EYS: variants seen among roughly 807,000 people sequenced by gnomAD.
EYS encodes EGF-like photoreceptor maintenance factor.
A neutral mutation model predicts 282.1 loss-of-function variants in EYS; 250 were observed. The ratio of observed to expected loss-of-function variants is 0.89; its 90% CI spans 0.80 to 0.98. The LOEUF (loss-of-function observed/expected upper bound fraction) is 0.98. Among genes scored for constraint, EYS ranks in the 50% least tolerant of loss-of-function variants. The pLI, the probability that EYS is intolerant of heterozygous loss-of-function variation, is 0.00. For synonymous variants in EYS, 1,355 were observed against 1,282.9 expected, an observed-to-expected ratio of 1.06 and a Z score of -1.20; for missense variants, 4,016 against 3,709.0, an observed-to-expected ratio of 1.08 and a Z score of -2.15.
chr6:64,994,111 T>C (rs1771168869), intron 14 of EYS, among the ~76,000 whole-genome samples: 1 of 152,118 alleles, frequency 6.6e-6, no homozygotes, highest in East Asian at 1.9e-4. Context: ...ATAGTTATTC[T>C]CAAATATACA....
intron 21 of EYS, among the ~76,000 whole-genome samples, chr6:64,816,465 T>C (rs1404894172): frequency 1.3e-5 from 2 of 152,012 alleles, no homozygotes; most frequent in Non-Finnish European, 2.9e-5. Flanking sequence ...GAAAAGGAAA[T>C]GCAACTTCTC....
chr6:64,728,750 G>A (rs1771853570), intron 22 of EYS: 1 of 152,312 alleles, frequency 6.6e-6, no homozygotes, highest in South Asian at 2.1e-4. Flanking sequence ...AGGGCAAAGA[G>A]TCAGTGTGAC....
At chr6:63,816,319 G>C (rs1019660636) in intron 36 of EYS, among the ~76,000 whole-genome samples, 3 of 152,028 alleles carry the variant, frequency 2.0e-5, no homozygotes, top group Non-Finnish European at 4.4e-5. Flanking sequence ...AAGATGACTG[G>C]AATAATTAAG....
chr6:64,422,028 G>T (rs1368597641), intron 28 of EYS, among the ~76,000 whole-genome samples: 1 of 152,036 alleles, frequency 6.6e-6, no homozygotes, highest in East Asian at 1.9e-4. Context: ...ATCCAGAGTT[G>T]CAGCTAAACA....
intron 13 of EYS, among the ~76,000 whole-genome samples, chr6:65,051,329 C>T (rs1229499524): frequency 6.6e-6 from 1 of 151,432 alleles, no homozygotes; most frequent in African/African-American, 2.4e-5. Context: ...TCAATATGTG[C>T]AGGTTTCATT....
chr6:65,414,632 A>G (rs2150372374), intron 5 of EYS, among the ~76,000 whole-genome samples: 1 of 152,240 alleles, frequency 6.6e-6, no homozygotes, highest in East Asian at 1.9e-4. Context: ...TTTCTAAGAT[A>G]AGGAAAAAGA....
intron 19 of EYS, among the ~76,000 whole-genome samples, chr6:64,864,400 T>TTTTTTTTTTTTTTTTTTTTTTTTTA (rs1766353192): frequency 7.5e-6 from 1 of 133,460 alleles, no homozygotes; most frequent in Non-Finnish European, 1.6e-5. Context: ...TTTTTTTTTT[T>TTTTTTTTTTTTTTTTTTTTTTTTTA]TTTTTTGACA....
chr6:64,942,827 CAAAAAAA>C (rs34826658), intron 15 of EYS, among the ~76,000 whole-genome samples: 53 of 94,306 alleles, frequency 5.6e-4, no homozygotes, highest in Non-Finnish European at 1.1e-3. Flanking sequence ...GTAACTCTTC[CAAAAAAA>C]AAAAAAAAAC....
At position 64,081,981 on chromosome 6, in the gene EYS, G is replaced by T. The variant is rs537922564; in HGVS notation, c.6446C>A (p.Ser2149Tyr). The T allele has an allele frequency of 3.2e-6, 5 of 1,543,078 alleles. No individual in the cohort carries two copies. The highest frequency in any genetic ancestry group is 3.4e-4 in the Middle Eastern group (2 of 5,956). The change falls in exon 32 of 43, where the codon TCT becomes TAT. Residue 2149 changes from serine to tyrosine, a missense_variant. Ser to Tyr is a moderately radical substitution (Grantham distance 144). Coordinates refer to ENST00000503581, the MANE Select transcript of EYS (RefSeq NM_001142800.2). The part of the protein sequence containing the change: ...CEKDAGLFFP[S>Y]FNGNSYLELP... ...TTCTAAATAGGAATTCCCATTGAAA[G>T]ATGGAAAGAATAAACCTGCATCTAA...
At chr6:64,273,227 A>C (rs1271975558) in intron 30 of EYS, among the ~76,000 whole-genome samples, 1 of 152,170 alleles carries the variant, frequency 6.6e-6, no homozygotes, top group African/African-American at 2.4e-5. Context: ...TTGTATCATG[A>C]TTAGATGTTA....
chr6:65,452,119 T>C (rs1420879359), intron 5 of EYS, among the ~76,000 whole-genome samples: 1 of 151,786 alleles, frequency 6.6e-6, no homozygotes, highest in Non-Finnish European at 1.5e-5. Flanking sequence ...AATAGTACCT[T>C]ATGACCTCAC....
At chr6:64,386,819 T>G (rs1772925359) in intron 29 of EYS, among the ~76,000 whole-genome samples, 1 of 152,176 alleles carries the variant, frequency 6.6e-6, no homozygotes, top group Non-Finnish European at 1.5e-5. Flanking sequence ...CTTTTTTGTT[T>G]AATTATTCTG....
At chr6:64,728,653 AG>A (rs1771849317) in intron 22 of EYS, among the ~76,000 whole-genome samples, 1 of 152,018 alleles carries the variant, frequency 6.6e-6, no homozygotes, top group African/African-American at 2.4e-5. Flanking sequence ...GTGTTCTTTT[AG>A]TTTTGCCATC....
At chr6:63,974,795 C>G (rs192348134) in intron 35 of EYS, among the ~76,000 whole-genome samples, 13 of 152,072 alleles carry the variant, frequency 8.5e-5, no homozygotes, top group African/African-American at 3.1e-4. Context: ...TAATACAACA[C>G]TTATTTGCCG....
chr6:64,380,313 C>T (rs554221853), intron 29 of EYS, among the ~76,000 whole-genome samples: 2 of 152,250 alleles, frequency 1.3e-5, no homozygotes, highest in African/African-American at 4.8e-5. Context: ...TGTATAATAG[C>T]TGTAGGAAAC....
At chr6:65,636,348 A>G (rs553504421) in intron 2 of EYS, among the ~76,000 whole-genome samples, 1 of 152,106 alleles carries the variant, frequency 6.6e-6, no homozygotes, top group Non-Finnish European at 1.5e-5. Flanking sequence ...TCTTTCATTC[A>G]TTGTCCTCTG....
chr6:64,163,839 T>C (rs999057588), intron 31 of EYS, among the ~76,000 whole-genome samples: 3 of 152,074 alleles, frequency 2.0e-5, no homozygotes, highest in African/African-American at 7.2e-5. Flanking sequence ...CAAACAGCTG[T>C]TAGAGTCTGA....
chr6:63,768,457 C>A (rs2149659418), intron 40 of EYS, among the ~76,000 whole-genome samples: 1 of 152,040 alleles, frequency 6.6e-6, no homozygotes, highest in Admixed American at 6.6e-5. Flanking sequence ...TACATGAAAT[C>A]AACAAATAGA....
At chr6:64,351,871 G>A (rs1376813188) in intron 29 of EYS, among the ~76,000 whole-genome samples, 1 of 151,502 alleles carries the variant, frequency 6.6e-6, no homozygotes, top group Non-Finnish European at 1.5e-5. Flanking sequence ...ATGCTTAGTT[G>A]TAATTATGTG....
Sources: allele counts gnomAD v4.1 joint callset (sites outside exome capture counted in the v4.1 genomes callset), GRCh38; gene constraint gnomAD v4.1.1; transcripts MANE v1.5; gene names NCBI Gene and HGNC (gene_info 2026-07-23, HGNC 2026-07-21).